HDAC9: variants seen among roughly 807,000 people sequenced by gnomAD.
The protein encoded by HDAC9 is MEF-2 interacting transcription repressor (MITR) protein.
In HDAC9, 41 loss-of-function variants were observed where a neutral mutation model predicts 139.4. That is an observed-to-expected ratio of 0.29 (90% CI 0.23 to 0.38). The LOEUF (loss-of-function observed/expected upper bound fraction) is 0.38. Among genes scored for constraint, HDAC9 ranks in the 10% least tolerant of loss-of-function variants. The pLI, the probability that HDAC9 is intolerant of heterozygous loss-of-function variation, is 1.00. For synonymous variants in HDAC9, 517 were observed against 476.2 expected, an observed-to-expected ratio of 1.09 and a Z score of -1.12; for missense variants, 1,147 against 1,297.0, an observed-to-expected ratio of 0.88 and a Z score of 1.78.
intron 1 of HDAC9, among the ~76,000 whole-genome samples, chr7:18,142,216 G>A (rs1442027326): frequency 6.6e-6 from 1 of 152,070 alleles, no homozygotes; most frequent in Admixed American, 6.6e-5. Context: ...GCATATTTTA[G>A]GTGATATAGA....
Position 18,304,079 on chromosome 7 carries a change from A to G in HDAC9, c.-42+13564A>G, listed in dbSNP as rs1033018307. On this transcript the variant is annotated intron_variant, in intron 1 of 3. Coordinates refer to the HDAC9 transcript ENST00000413509. ...TTCGTTGACCTGGGCTCTGCCCAGC[A>G]TTAGCAAAGTGTTTTGAATCTCCAA... Among the ~76,000 whole-genome samples the G allele has an allele frequency of 5.3e-5, 8 of 152,348 alleles. No individual in the cohort carries two copies. The South Asian group carries it at 6.2e-4, about 12-fold the overall frequency.
At chr7:18,271,501 A>G (rs1219205928) in intron 2 of HDAC9, among the ~76,000 whole-genome samples, 1 of 152,208 alleles carries the variant, frequency 6.6e-6, no homozygotes, top group Non-Finnish European at 1.5e-5. Context: ...AGTAAGAGCA[A>G]ACATCTGGTA....
chr7:18,618,633 G>A (rs573194748), intron 6 of HDAC9, among the ~76,000 whole-genome samples: 1 of 148,430 alleles, frequency 6.7e-6, no homozygotes, highest in Admixed American at 6.8e-5. Context: ...TGAGTAGGAG[G>A]GACATTAAAA....
chr7:18,300,502 C>T (rs2128612095), intron 1 of HDAC9, among the ~76,000 whole-genome samples: 1 of 151,658 alleles, frequency 6.6e-6, no homozygotes, highest in South Asian at 2.1e-4. Flanking sequence ...TGAATAATGC[C>T]TAGTCTCTGC....
intron 6 of HDAC9, among the ~76,000 whole-genome samples, chr7:18,618,886 T>A (rs889517680): frequency 2.0e-5 from 3 of 151,504 alleles, no homozygotes; most frequent in Non-Finnish European, 2.9e-5. Flanking sequence ...TCCCCCAAAG[T>A]AGCATGTTAT....
intron 6 of HDAC9, among the ~76,000 whole-genome samples, chr7:18,618,033 G>A (rs1368973259): frequency 2.0e-5 from 3 of 152,086 alleles, no homozygotes; most frequent in Non-Finnish European, 4.4e-5. Context: ...TTTAATTCTT[G>A]TGGAATGAAA....
intron 1 of HDAC9, among the ~76,000 whole-genome samples, chr7:18,329,995 G>C (rs1020334538): frequency 1.8e-4 from 2 of 11,192 alleles, no homozygotes; most frequent in Non-Finnish European, 3.7e-4. Flanking sequence ...GTGTGTGTGT[G>C]TGTGTGTGTG....
rs1317314040 is a variant in HDAC9, at chr7:19,001,226, T to G, written c.*5164T>G. The stretch of plus-strand genomic sequence containing the variant: ...TGTCTTTGAGTCAAACCCACAAGCA[T>G]GAACTCTCACCTGAAAGAAAACTGG... On this transcript the variant is annotated 3_prime_UTR_variant, in exon 26 of 26. Coordinates refer to ENST00000686413, the MANE Select transcript of HDAC9 (RefSeq NM_178425.4). 1.3e-5 allele frequency: 2 copies of G among 152,190 alleles called. No individual in the cohort carries two copies. Among genetic ancestry groups the G allele is most frequent in the African/African-American group, 4.8e-5 (2 of 41,462 alleles). 9.4% of individuals were successfully genotyped at this position (152,190 alleles called of 1,614,324 possible). A position where few individuals can be genotyped will look rare whatever the true frequency, so the allele number is the denominator to read the frequency against.
chr7:18,864,793 C>G (rs945453844), intron 21 of HDAC9, among the ~76,000 whole-genome samples: 22 of 151,968 alleles, frequency 1.4e-4, no homozygotes, highest in Admixed American at 2.0e-4. Context: ...TACAGAGTTT[C>G]CCTGGAAAGA....
chr7:18,952,662 TTA>T (rs1298396830), intron 23 of HDAC9, among the ~76,000 whole-genome samples: 1 of 151,944 alleles, frequency 6.6e-6, no homozygotes, highest in East Asian at 1.9e-4. Flanking sequence ...AAGCTTCAGT[TTA>T]TGATTCAGTA....
At chr7:18,133,259 C>CA (rs1785146118) in intron 1 of HDAC9, among the ~76,000 whole-genome samples, 1 of 151,940 alleles carries the variant, frequency 6.6e-6, no homozygotes, top group African/African-American at 2.4e-5. Context: ...GGATTAATCA[C>CA]AAAAAATAAT....
chr7:18,097,712 C>T (rs1292181495), intron 1 of HDAC9, among the ~76,000 whole-genome samples: 2 of 152,020 alleles, frequency 1.3e-5, no homozygotes, highest in Non-Finnish European at 2.9e-5. Flanking sequence ...GGACTACAGG[C>T]ATATACCACC....
chr7:18,281,893 A>G (rs1481662396), intron 2 of HDAC9, among the ~76,000 whole-genome samples: 2 of 152,242 alleles, frequency 1.3e-5, no homozygotes, highest in African/African-American at 2.4e-5. Context: ...ATCAGAGAAT[A>G]CAGTGAACTT....
rs570543963 is a variant in HDAC9, at chr7:18,717,454, G to A, written c.1732-10126G>A. On this transcript the variant is annotated intron_variant, in intron 12 of 25. Coordinates refer to ENST00000686413, the MANE Select transcript of HDAC9 (RefSeq NM_178425.4). The stretch of plus-strand genomic sequence containing the variant: ...TCCTTTTTTTTTTTTTTTTTGAGAC[G>A]GAATTTTGCTCTTGTTGCCCAGGCT... Among the ~76,000 whole-genome samples, 364 of 140,906 alleles carry A rather than the reference G, an allele frequency of 2.6e-3. 2 individuals are homozygous for A. The highest frequency in any genetic ancestry group is 9.8e-3 in the African/African-American group (345 of 35,302). The allele number at this position is 140,906 out of a possible 152,430, so 92.4% of individuals were successfully genotyped here.
At chr7:18,351,634 A>G (rs2128674675) in intron 1 of HDAC9, among the ~76,000 whole-genome samples, 1 of 152,336 alleles carries the variant, frequency 6.6e-6, no homozygotes, top group South Asian at 2.1e-4. Flanking sequence ...ATCATGTCCC[A>G]GCTCTGTGAT....
intron 12 of HDAC9, among the ~76,000 whole-genome samples, chr7:18,714,708 T>G (rs923429413): frequency 1.3e-5 from 2 of 152,208 alleles, no homozygotes; most frequent in African/African-American, 4.8e-5. Context: ...TGCTTCTAAT[T>G]TAGGACCCTG....
At chr7:18,400,961 T>A (rs186774249) in intron 1 of HDAC9, among the ~76,000 whole-genome samples, 1 of 152,356 alleles carries the variant, frequency 6.6e-6, no homozygotes, top group Non-Finnish European at 1.5e-5. Context: ...GTAATTTGCA[T>A]AAGCTAGTCT....
chr7:18,158,416 A>G (rs571735227), intron 1 of HDAC9, among the ~76,000 whole-genome samples: 1 of 152,342 alleles, frequency 6.6e-6, no homozygotes, highest in African/African-American at 2.4e-5. Flanking sequence ...TCAATGAGCC[A>G]TTACTGAAGT....
Position 18,666,510 on chromosome 7 carries a change from A to G in HDAC9, c.1731+34A>G, listed in dbSNP as rs770045408. On this transcript the variant is annotated intron_variant, in intron 12 of 25. Coordinates refer to ENST00000686413, the MANE Select transcript of HDAC9 (RefSeq NM_178425.4). ...CAAAGATTTAGCTCCAGGATTTGTA[A>G]TTAAAGTCATTATCTGAACATGAAA... 5.7e-6 allele frequency: 9 copies of G among 1,591,768 alleles called. No individual in the cohort carries two copies. The East Asian group carries it at 2.0e-4, about 36-fold the overall frequency.
Sources: gnomAD v4.1 joint callset for allele counts (sites outside exome capture counted in the v4.1 genomes callset) on GRCh38, gnomAD v4.1.1 for gene constraint, MANE v1.5 for transcripts, NCBI Gene and HGNC (gene_info 2026-07-23, HGNC 2026-07-21) for gene names.